Variants in ANKRD46 observed in about 807,000 individuals in gnomAD.
ANKRD46 encodes the protein ankyrin repeat domain-containing protein 46.
In ANKRD46, 13 loss-of-function variants were observed where a neutral mutation model predicts 19.8. The ratio of observed to expected loss-of-function variants is 0.66; its 90% CI spans 0.43 to 1.04. The LOEUF (loss-of-function observed/expected upper bound fraction) is 1.04, where lower values mean the gene tolerates loss of function less well. Among genes scored for constraint, ANKRD46 ranks in the 50% least tolerant of loss-of-function variants. The pLI, the probability that ANKRD46 is intolerant of heterozygous loss-of-function variation, is 0.00. For synonymous variants in ANKRD46, 91 were observed against 106.9 expected (o/e 0.85, Z 0.92); for missense variants, 185 against 274.8 (o/e 0.67, Z 2.31).
At position 100,550,003 on chromosome 8, in the gene ANKRD46, A is replaced by G. The variant is rs772491896; in HGVS notation, c.-131+9708T>C. Among the ~76,000 whole-genome samples the G allele has an allele frequency of 2.0e-5, 3 of 152,124 alleles. No individual in the cohort carries two copies. The highest frequency in any genetic ancestry group is 2.9e-5 in the Non-Finnish European group (2 of 68,028). The stretch of plus-strand genomic sequence containing the variant: ...GTTTTCTGTATCTTCTCATGGCTTC[A>G]TAGTTTCTCTTTAGGACTGCATAAT... On this transcript the variant is annotated intron_variant, in intron 1 of 4. Transcript: ENST00000335659. This position sits in a 1 kb window ranked among gnomAD's most constrained non-coding sequence, Gnocchi z 4.4.
chr8:100,553,160 T>C (rs1163880581), intron 1 of ANKRD46, among the ~76,000 whole-genome samples: 1 of 152,180 alleles, frequency 6.6e-6, no homozygotes, highest in Non-Finnish European at 1.5e-5. Flanking sequence ...GAAAAACAAG[T>C]TGAAAGGATA....
intron 1 of ANKRD46, among the ~76,000 whole-genome samples, chr8:100,548,774 T>C (rs1423393790): frequency 6.6e-6 from 1 of 152,142 alleles, no homozygotes; most frequent in African/African-American, 2.4e-5. Context: ...AAAATATAAC[T>C]AAACTAAAAA....
intron 1 of ANKRD46, among the ~76,000 whole-genome samples, chr8:100,554,181 T>C (rs890412945): frequency 2.0e-5 from 3 of 152,212 alleles, no homozygotes; most frequent in Admixed American, 2.0e-4. Context: ...CAACATGTTT[T>C]GGTCTTGGAA....
intron 4 of ANKRD46, among the ~76,000 whole-genome samples, chr8:100,523,346 A>G (rs1325775600): frequency 1.3e-5 from 2 of 151,872 alleles, no homozygotes; most frequent in Non-Finnish European, 2.9e-5. Flanking sequence ...TGAAGAGGAC[A>G]GTCATCTACA....
At chr8:100,516,993 C>T (rs945133057), downstream of ANKRD46, among the ~76,000 whole-genome samples, 8 of 152,166 alleles carry the variant, frequency 5.3e-5, no homozygotes, top group African/African-American at 1.4e-4. Context: ...CCAGCTCTGC[C>T]GCTTACTGGC....
rs190733823 is a variant in ANKRD46, at chr8:100,544,618, T to G, written c.-130-11307A>C. 4.6e-5 allele frequency among the ~76,000 whole-genome samples: 7 copies of G among 152,320 alleles called. No individual in the cohort carries two copies. The highest frequency in any genetic ancestry group is 1.3e-4 in the Admixed American group (2 of 15,294). Reference sequence around the variant, plus strand: ...CTAGACACCAATCAAAACGTTTGTATCTTAGGTCCTAACTCGGCCATTTTC... The same window carrying G: ...CTAGACACCAATCAAAACGTTTGTAGCTTAGGTCCTAACTCGGCCATTTTC... On this transcript the variant is annotated intron_variant, in intron 1 of 4. Transcript: ENST00000335659. The surrounding 1 kb of genome is among the most constrained non-coding windows in gnomAD (Gnocchi z 4.4).
chr8:100,537,066 G>A lies in ANKRD46; in HGVS notation c.-130-3755C>T, dbSNP rs1812077842. ...ATTCACTGACTTGATGAAAAGTCAT[G>A]CCTAATTTTCTTTTATATCTCAAAT... On this transcript the variant is annotated intron_variant, in intron 1 of 4. Coordinates refer to ENST00000335659, the MANE Select transcript of ANKRD46 (RefSeq NM_001270377.2). This position sits in a 1 kb window ranked among gnomAD's most constrained non-coding sequence, Gnocchi z 4.2. Among the ~76,000 whole-genome samples the A allele has an allele frequency of 6.6e-6, 1 of 152,170 alleles. No homozygotes were observed. The highest frequency in any genetic ancestry group is 1.5e-5 in the Non-Finnish European group (1 of 68,016).
chr8:100,539,596 T>C (rs1812134519), intron 1 of ANKRD46, among the ~76,000 whole-genome samples: 1 of 152,244 alleles, frequency 6.6e-6, no homozygotes, highest in Non-Finnish European at 1.5e-5. Context: ...AACACACATT[T>C]TGTGGTATTT....
Position 100,510,621 on chromosome 8 carries a change from C to T in ANKRD46, c.655G>A (p.Gly219Arg), listed in dbSNP as rs1811534536. The T allele has an allele frequency of 6.5e-7, 1 of 1,535,366 alleles. No individual in the cohort carries two copies. The highest frequency in any genetic ancestry group is 8.7e-7 in the Non-Finnish European group (1 of 1,146,516). Residue 219 changes from glycine to arginine, a missense_variant, in exon 6 of 6, where the codon GGA (glycine) becomes AGA (arginine). By Grantham distance (125) the Gly-to-Arg change is moderately radical. Transcript: ENST00000520552. The surrounding 1 kb of genome is among the most constrained non-coding windows in gnomAD (Gnocchi z 4.9). ...CTTCTGTCTTGCCTTGCAAAGCTTC[C>T]AAGCCTCAGTGTCCTTCTCTGTAAA... is the stretch of plus-strand genomic sequence containing the variant.
At chr8:100,558,343 T>C (rs531363895) in intron 1 of ANKRD46, among the ~76,000 whole-genome samples, 2 of 152,350 alleles carry the variant, frequency 1.3e-5, no homozygotes, top group South Asian at 4.1e-4. Flanking sequence ...AAAAAATCTT[T>C]GATTTCCCTC....
rs1197318004 is a variant in ANKRD46 at position 100,544,028 on chromosome 8, G to A, written c.-130-10717C>T. 6.6e-6 allele frequency among the ~76,000 whole-genome samples: 1 copy of A among 152,072 alleles called. No individual in the cohort carries two copies. The highest frequency in any genetic ancestry group is 1.5e-5 in the Non-Finnish European group (1 of 68,022). ...ATGTCCACATCACTTCCATCACTTAGTTGGACTTTGCACACTTAGAACTTA... is the reference window on the plus strand; with the variant it reads ...ATGTCCACATCACTTCCATCACTTAATTGGACTTTGCACACTTAGAACTTA... On this transcript the variant is annotated intron_variant, in intron 1 of 4. Transcript: ENST00000335659. This position sits in a 1 kb window ranked among gnomAD's most constrained non-coding sequence, Gnocchi z 4.4.
At chr8:100,554,987 C>T (rs534305357) in intron 1 of ANKRD46, among the ~76,000 whole-genome samples, 3 of 151,338 alleles carry the variant, frequency 2.0e-5, no homozygotes, top group African/African-American at 7.3e-5. Flanking sequence ...TGCACTCCAG[C>T]CTGGGTGATA....
In ANKRD46 at chr8:100,529,956, T is replaced by C. The variant is rs1471600404; in HGVS notation, c.-27-96A>G. On this transcript the variant is annotated intron_variant, in intron 2 of 4. Transcript: ENST00000335659. This position sits in a 1 kb window ranked among gnomAD's most constrained non-coding sequence, Gnocchi z 5.8. ...GCAATATTTCTCATCCTTTTTGGCCTCCTGCCTCTAATAAATAAATGACCA... is the reference window on the plus strand; with the variant it reads ...GCAATATTTCTCATCCTTTTTGGCCCCCTGCCTCTAATAAATAAATGACCA... 5.7e-6 allele frequency: 5 copies of C among 873,246 alleles called. No homozygotes were observed. Among genetic ancestry groups the C allele is most frequent in the Non-Finnish European group, 1.7e-6 (1 of 587,834 alleles). 54.1% of individuals were successfully genotyped at this position (873,246 alleles called of 1,614,324 possible). A position where few individuals can be genotyped will look rare whatever the true frequency, so the allele number is the denominator to read the frequency against.
At position 100,534,955 on chromosome 8, in the gene ANKRD46, T is replaced by G. The variant is rs973231116; in HGVS notation, c.-130-1644A>C. Among the ~76,000 whole-genome samples, 1 of 152,166 alleles carries G rather than the reference T, an allele frequency of 6.6e-6. No homozygotes were observed. Among genetic ancestry groups the G allele is most frequent in the South Asian group, 2.1e-4 (1 of 4,824 alleles). Reference sequence around the variant, plus strand: ...GTAATTTTTGTATTTTTAGTGGAGATGAGGTTTCACCATGTTGGCTAGGCA... The same window carrying G: ...GTAATTTTTGTATTTTTAGTGGAGAGGAGGTTTCACCATGTTGGCTAGGCA... On this transcript the variant is annotated intron_variant, in intron 1 of 4. Transcript: ENST00000335659. This position sits in a 1 kb window ranked among gnomAD's most constrained non-coding sequence, Gnocchi z 4.2.
At chr8:100,558,499 A>G (rs1812547312) in intron 1 of ANKRD46, among the ~76,000 whole-genome samples, 1 of 152,262 alleles carries the variant, frequency 6.6e-6, no homozygotes, top group Non-Finnish European at 1.5e-5. Context: ...TGGCACAGTG[A>G]GAACCCCAGT....
At chr8:100,528,981 G>T (rs1384756859) in intron 3 of ANKRD46, among the ~76,000 whole-genome samples, 2 of 152,140 alleles carry the variant, frequency 1.3e-5, no homozygotes, top group Non-Finnish European at 2.9e-5. Flanking sequence ...TGGACTCCCG[G>T]GAGATTATGA....
downstream of ANKRD46, among the ~76,000 whole-genome samples, chr8:100,519,739 T>A (rs1223247697): frequency 1.3e-5 from 2 of 152,288 alleles, no homozygotes; most frequent in South Asian, 4.2e-4. Context: ...GAAGCCTGCA[T>A]GCTCCACAGG....
In ANKRD46 at chr8:100,543,945, G is replaced by C. The variant is rs549689558; in HGVS notation, c.-130-10634C>G. Among the ~76,000 whole-genome samples the C allele has an allele frequency of 2.0e-5, 3 of 152,042 alleles. No individual in the cohort carries two copies. Among genetic ancestry groups the C allele is most frequent in the African/African-American group, 7.3e-5 (3 of 41,376 alleles). On this transcript the variant is annotated intron_variant, in intron 1 of 4. Transcript: ENST00000335659. This position sits in a 1 kb window ranked among gnomAD's most constrained non-coding sequence, Gnocchi z 4.2. ...ATTATATTTTATTGGATGGTTTCAGGAGTGTAATTGAAATCATTTAAAGAT... is the reference window on the plus strand; with the variant it reads ...ATTATATTTTATTGGATGGTTTCAGCAGTGTAATTGAAATCATTTAAAGAT...
rs1213254937 is a variant in ANKRD46 at position 100,537,402 on chromosome 8, T to G, written c.-130-4091A>C. Among the ~76,000 whole-genome samples the G allele has an allele frequency of 1.3e-5, 2 of 152,232 alleles. No homozygotes were observed. Among genetic ancestry groups the G allele is most frequent in the Non-Finnish European group, 2.9e-5 (2 of 68,038 alleles). Reference sequence around the variant, plus strand: ...AAACGACATAGCTGGAAAGATATTCTGTCAGATCTTATTGCCTTTGCCATT... The same window carrying G: ...AAACGACATAGCTGGAAAGATATTCGGTCAGATCTTATTGCCTTTGCCATT... On this transcript the variant is annotated intron_variant, in intron 1 of 4. Coordinates refer to ENST00000335659, the MANE Select transcript of ANKRD46 (RefSeq NM_001270377.2). This position sits in a 1 kb window ranked among gnomAD's most constrained non-coding sequence, Gnocchi z 4.2.
Sources: gnomAD v4.1 joint callset for allele counts (sites outside exome capture counted in the v4.1 genomes callset) on GRCh38, gnomAD v4.1.1 for gene constraint, Gnocchi (gnomAD v3.1) non-coding constraint, MANE v1.5 for transcripts, NCBI Gene and HGNC (gene_info 2026-07-23, HGNC 2026-07-21) for gene names.